The following TBC1D16 variants were observed in gnomAD, a reference collection of about 807,000 sequenced individuals.
TBC1D16 encodes the protein TBC1 domain family member 16.
In TBC1D16, 58 loss-of-function variants were observed where a neutral mutation model predicts 74.7. The ratio of observed to expected loss-of-function variants is 0.78; its 90% CI spans 0.63 to 0.97. The LOEUF (loss-of-function observed/expected upper bound fraction) is 0.97, where lower values mean the gene tolerates loss of function less well. Ranked by LOEUF, TBC1D16 falls within the 50% of genes least tolerant of loss-of-function variation. The probability of loss-of-function intolerance (pLI) is 0.00; values close to 1 mark genes in which losing one functional copy is unlikely to be tolerated. For synonymous variants in TBC1D16, 493 were observed against 474.7 expected (o/e 1.04, Z -0.50); for missense variants, 1,014 against 1,079.5 (o/e 0.94, Z 0.85).
At chr17:80,006,207 GCT>G (rs1163831215) in intron 3 of TBC1D16, among the ~76,000 whole-genome samples, 2 of 148,810 alleles carry the variant, frequency 1.3e-5, no homozygotes, top group African/African-American at 2.5e-5. Context: ...TCGCTCTCTC[GCT>G]CTCTTTCTCT....
Position 79,985,112 on chromosome 17 carries a change from A to G in TBC1D16, c.779+25048T>C, listed in dbSNP as rs1232468612. On this transcript the variant is annotated intron_variant, in intron 3 of 11. Transcript: ENST00000310924. This position sits in a 1 kb window ranked among gnomAD's most constrained non-coding sequence, Gnocchi z 4.9. Reference sequence around the variant, plus strand: ...CGCGCCCCCTCTGAAGGCTCCAGGCAAGAGTCTTTCCTGCCTCTTCCAGCT... The same window carrying G: ...CGCGCCCCCTCTGAAGGCTCCAGGCGAGAGTCTTTCCTGCCTCTTCCAGCT... Among the ~76,000 whole-genome samples, 1 of 152,166 alleles carries G rather than the reference A, an allele frequency of 6.6e-6. No homozygotes were observed. Among genetic ancestry groups the G allele is most frequent in the African/African-American group, 2.4e-5 (1 of 41,438 alleles).
chr17:80,016,356 A>T (rs577342678), intron 1 of TBC1D16, among the ~76,000 whole-genome samples: 11 of 152,134 alleles, frequency 7.2e-5, no homozygotes, highest in Admixed American at 7.2e-4. Context: ...CGGCTCTACA[A>T]CATGATCGTA....
intron 3 of TBC1D16, among the ~76,000 whole-genome samples, chr17:79,972,420 C>G (rs528412835): frequency 6.6e-6 from 1 of 152,240 alleles, no homozygotes; most frequent in East Asian, 1.9e-4. Context: ...CGTGGTCCAC[C>G]CGCCTTGGCC....
Position 80,001,532 on chromosome 17 carries a change from C to A in TBC1D16, c.779+8628G>T, listed in dbSNP as rs1243154409. Among the ~76,000 whole-genome samples, 4 of 151,508 alleles carry A rather than the reference C, an allele frequency of 2.6e-5. No homozygotes were observed. The highest frequency in any genetic ancestry group is 2.0e-4 in the Admixed American group (3 of 15,240). On this transcript the variant is annotated intron_variant, in intron 3 of 11. Coordinates refer to ENST00000310924, the MANE Select transcript of TBC1D16 (RefSeq NM_019020.4). This position sits in a 1 kb window ranked among gnomAD's most constrained non-coding sequence, Gnocchi z 5.8. ...TTCCTGGAGCATCCTCAGGGGGCGG[C>A]GGGCGCTCTCGGGGTATCCCCGGGC...
In TBC1D16 at chr17:79,945,004, C is replaced by A. The variant is rs2032390185; in HGVS notation, c.1812G>T (p.Met604Ile). ...GAAGGAGCCAGCGGTGGCAGAAGAGCATCTGCAGGCCGTCCTCGCCCAGCG... is the reference window on the plus strand; with the variant it reads ...GAAGGAGCCAGCGGTGGCAGAAGAGAATCTGCAGGCCGTCCTCGCCCAGCG... ...LVSLGEDGLQ[M>I]LFCHRWLLLC... is the part of the protein sequence containing the mutation. The change falls in exon 10 of 12, where the codon ATG (methionine) becomes ATT (isoleucine). Residue 604 changes from methionine to isoleucine, a missense_variant. Transcript: ENST00000310924. 1 of 1,576,588 alleles carries A rather than the reference C, an allele frequency of 6.3e-7. No individual in the cohort carries two copies. Among genetic ancestry groups the A allele is most frequent in the Admixed American group, 1.9e-5 (1 of 53,428 alleles).
intron 1 of TBC1D16, among the ~76,000 whole-genome samples, chr17:80,024,914 A>ACG (rs2036494720): frequency 8.8e-6 from 1 of 113,548 alleles, no homozygotes; most frequent in African/African-American, 4.5e-5. Context: ...TCACACACAC[A>ACG]CCACACACCA....
At chr17:79,995,001 G>A (rs1342942261) in intron 3 of TBC1D16, among the ~76,000 whole-genome samples, 2 of 152,090 alleles carry the variant, frequency 1.3e-5, no homozygotes, top group Non-Finnish European at 2.9e-5. Context: ...TTTTTGACTT[G>A]TAAAAATGTA....
intron 3 of TBC1D16, among the ~76,000 whole-genome samples, chr17:79,964,132 C>T (rs934280443): frequency 2.6e-5 from 4 of 152,016 alleles, no homozygotes; most frequent in Non-Finnish European, 5.9e-5. Flanking sequence ...TGCACCACCA[C>T]GCCCAGCTAA....
chr17:80,015,429 G>A lies in TBC1D16; in HGVS notation c.-62-1820C>T, dbSNP rs189959541. ...AGCCTGGGCGACAGAGTGAGACTCC[G>A]TCTCAAAAAAATAAAATAAATAAAA... On this transcript the variant is annotated intron_variant, in intron 1 of 11. Coordinates refer to ENST00000310924, the MANE Select transcript of TBC1D16 (RefSeq NM_019020.4). Among the ~76,000 whole-genome samples, 56 of 151,216 alleles carry A rather than the reference G, an allele frequency of 3.7e-4. No homozygotes were observed. In the East Asian group the frequency reaches 5.5e-3, roughly 15 times the overall value.
chr17:80,013,307 C>A (rs2035959866), intron 2 of TBC1D16, 60 bp downstream of exon 2: 4 of 1,508,078 alleles, frequency 2.7e-6, no homozygotes, highest in African/African-American at 1.4e-5. Flanking sequence ...GCCTTTAGAG[C>A]CCTGGCTCGG....
At chr17:79,948,180 G>A (rs2032720804) in intron 8 of TBC1D16, among the ~76,000 whole-genome samples, 1 of 152,182 alleles carries the variant, frequency 6.6e-6, no homozygotes, top group Admixed American at 6.5e-5. Flanking sequence ...GCATGGTGGG[G>A]TGCACGCCTG....
intron 3 of TBC1D16, among the ~76,000 whole-genome samples, chr17:79,963,475 T>C (rs1236914668): frequency 6.6e-6 from 1 of 152,184 alleles, no homozygotes; most frequent in Admixed American, 6.5e-5. Flanking sequence ...GACCGCGTTT[T>C]GTTTATCTTT....
intron 3 of TBC1D16, among the ~76,000 whole-genome samples, chr17:79,997,314 G>A (rs2035310953): frequency 6.6e-6 from 1 of 152,084 alleles, no homozygotes; most frequent in African/African-American, 2.4e-5. Flanking sequence ...GTCACCATGG[G>A]GGGAAGTGGG....
chr17:80,001,133 A>G lies in TBC1D16; in HGVS notation c.779+9027T>C, dbSNP rs951386324. Among the ~76,000 whole-genome samples, 1 of 152,174 alleles carries G rather than the reference A, an allele frequency of 6.6e-6. No homozygotes were observed. The highest frequency in any genetic ancestry group is 1.5e-5 in the Non-Finnish European group (1 of 68,036). On this transcript the variant is annotated intron_variant, in intron 3 of 11. Transcript: ENST00000310924. This position sits in a 1 kb window ranked among gnomAD's most constrained non-coding sequence, Gnocchi z 5.8. Reference sequence around the variant, plus strand: ...TCCTGTGGCCATTTCTAGACTGACTATGGCCACATGCCAGTTCATGGGGCT... The same window carrying G: ...TCCTGTGGCCATTTCTAGACTGACTGTGGCCACATGCCAGTTCATGGGGCT...
intron 1 of TBC1D16, among the ~76,000 whole-genome samples, chr17:80,025,289 T>C (rs2036536991): frequency 1.3e-5 from 2 of 149,962 alleles, no homozygotes; most frequent in South Asian, 4.2e-4. Context: ...CGCCAGAGGC[T>C]GCCTGGGCCC....
At chr17:79,951,054 A>G (rs2033014210) in intron 5 of TBC1D16, among the ~76,000 whole-genome samples, 1 of 152,240 alleles carries the variant, frequency 6.6e-6, no homozygotes, top group Non-Finnish European at 1.5e-5. Flanking sequence ...GTAGGGGGAA[A>G]AAAAGCCATG....
Position 79,990,996 on chromosome 17 carries a change from C to T in TBC1D16, c.779+19164G>A, listed in dbSNP as rs181910595. Among the ~76,000 whole-genome samples the T allele has an allele frequency of 6.6e-6, 1 of 152,222 alleles. No individual in the cohort carries two copies. The highest frequency in any genetic ancestry group is 2.4e-5 in the African/African-American group (1 of 41,454). The stretch of plus-strand genomic sequence containing the variant: ...ACACCGCGTTTCTCTAGTCACCCGT[C>T]GGGGGAACTTGGACGCTTTCACCAT... On this transcript the variant is annotated intron_variant, in intron 3 of 11. Transcript: ENST00000310924. The surrounding 1 kb of genome is among the most constrained non-coding windows in gnomAD (Gnocchi z 4.8).
intron 3 of TBC1D16, among the ~76,000 whole-genome samples, chr17:79,973,518 T>C (rs542614894): frequency 1.3e-5 from 2 of 152,104 alleles, no homozygotes; most frequent in African/African-American, 2.4e-5. Context: ...GACCATCCTG[T>C]CTAACATGGT....
At chr17:79,984,016 C>T (rs1244016308) in intron 3 of TBC1D16, among the ~76,000 whole-genome samples, 5 of 145,206 alleles carry the variant, frequency 3.4e-5, no homozygotes, top group South Asian at 4.4e-4. Context: ...TACAGGCAGG[C>T]ACCACAGCAC....
Sources: gnomAD v4.1 joint callset for allele counts (sites outside exome capture counted in the v4.1 genomes callset) on GRCh38, gnomAD v4.1.1 for gene constraint, Gnocchi (gnomAD v3.1) non-coding constraint, MANE v1.5 for transcripts, NCBI Gene and HGNC (gene_info 2026-07-23, HGNC 2026-07-21) for gene names.